Variants in RWDD1 observed in about 807,000 individuals in gnomAD.
RWDD1 encodes the protein RWD domain-containing protein 1.
A neutral mutation model predicts 31.6 loss-of-function variants in RWDD1; 17 were observed. The ratio of observed to expected loss-of-function variants is 0.54; its 90% CI spans 0.37 to 0.81. The LOEUF (loss-of-function observed/expected upper bound fraction) is 0.81. Ranked by LOEUF, RWDD1 falls within the 30% of genes least tolerant of loss-of-function variation. The pLI, the probability that RWDD1 is intolerant of heterozygous loss-of-function variation, is 0.00. For missense variants in RWDD1, 204 were observed against 274.5 expected (o/e 0.74, Z 1.82); for synonymous variants, 78 against 94.2 (o/e 0.83, Z 0.99).
At chr6:116,591,299 AT>A (rs2115337085) in intron 6 of RWDD1, among the ~76,000 whole-genome samples, 1 of 152,266 alleles carries the variant, frequency 6.6e-6, no homozygotes, top group East Asian at 1.9e-4. Flanking sequence ...TATATTTTAA[AT>A]TTTTTGGTAA....
rs185522941 is a variant in RWDD1, at chr6:116,594,160, C to T, written c.*1059C>T. ...CTAGCTTTGGTGGGAACTCCCTCAC[C>T]CCTGCTCCCCACAGGAAGGCATTAA... On this transcript the variant is annotated 3_prime_UTR_variant, in exon 7 of 7. Coordinates refer to ENST00000466444, the MANE Select transcript of RWDD1 (RefSeq NM_015952.4). 58 of 151,166 alleles carry T rather than the reference C, an allele frequency of 3.8e-4. No homozygotes were observed. Among genetic ancestry groups the T allele is most frequent in the African/African-American group, 1.4e-3 (58 of 41,100 alleles). 9.4% of individuals were successfully genotyped at this position (151,166 alleles called of 1,614,324 possible). A position where few individuals can be genotyped will look rare whatever the true frequency, so the allele number is the denominator to read the frequency against.
chr6:116,590,833 A>G, intron 5 of RWDD1, 55 bp from the exon 6 acceptor site: 1 of 1,531,896 alleles, frequency 6.5e-7, no homozygotes, highest in Non-Finnish European at 8.7e-7. Flanking sequence ...TATTGTAGTG[A>G]AAATGGAGAA....
At chr6:116,574,701 C>CCT (rs1417753573) in intron 1 of RWDD1, among the ~76,000 whole-genome samples, 19 of 150,958 alleles carry the variant, frequency 1.3e-4, no homozygotes, top group African/African-American at 4.4e-4. Flanking sequence ...CCTTCCTTTT[C>CCT]TTTCTTTCTT....
chr6:116,591,157 G>A (rs1433655623), intron 6 of RWDD1, among the ~76,000 whole-genome samples: 1 of 151,240 alleles, frequency 6.6e-6, no homozygotes, highest in South Asian at 2.1e-4. Flanking sequence ...TTTGAACCAT[G>A]AAAATCAAAC....
intron 2 of RWDD1, among the ~76,000 whole-genome samples, chr6:116,581,112 C>T (rs890619367): frequency 1.3e-5 from 2 of 152,016 alleles, no homozygotes; most frequent in African/African-American, 4.8e-5. Context: ...GGTTTGCATT[C>T]ACACATTATT....
chr6:116,574,692 C>T (rs914619527), intron 1 of RWDD1, among the ~76,000 whole-genome samples: 3 of 150,798 alleles, frequency 2.0e-5, no homozygotes, highest in Non-Finnish European at 3.0e-5. Flanking sequence ...TCCTTCCTTC[C>T]TTCCTTTTCT....
chr6:116,588,835 T>C lies in RWDD1; in HGVS notation c.271-7T>C. On this transcript the variant is annotated splice_polypyrimidine_tract_variant and splice_region_variant and intron_variant, in intron 3 of 6. Transcript: ENST00000466444. The stretch of plus-strand genomic sequence containing the variant: ...GTTATTCCTCATCACCTTTTTGTGT[T>C]ACACAGGCTGAAGAAAATCTTGGTA... 6.5e-7 allele frequency: 1 copy of C among 1,527,248 alleles called. No homozygotes were observed. The highest frequency in any genetic ancestry group is 2.4e-5 in the Admixed American group (1 of 40,924). 94.6% of individuals were successfully genotyped at this position (1,527,248 alleles called of 1,614,324 possible).
In RWDD1 at chr6:116,594,110, G is replaced by T. The variant is rs1479532192; in HGVS notation, c.*1009G>T. On this transcript the variant is annotated 3_prime_UTR_variant, in exon 7 of 7. Transcript: ENST00000466444. ...ATGGCCAGAGAGTGAGGGTGGAAGT[G>T]CCAGGCTTTTTTTTTTTTTTTAAAC... is the stretch of plus-strand genomic sequence containing the variant. 1 of 150,772 alleles carries T rather than the reference G, an allele frequency of 6.6e-6. No homozygotes were observed. The highest frequency in any genetic ancestry group is 1.5e-5 in the Non-Finnish European group (1 of 67,966). The allele number at this position is 150,772 out of a possible 1,614,324, so 9.3% of individuals were successfully genotyped here. A position where few individuals can be genotyped will look rare whatever the true frequency, so the allele number is the denominator to read the frequency against.
chr6:116,589,861 C>T (rs1775106823), intron 4 of RWDD1, among the ~76,000 whole-genome samples: 1 of 152,134 alleles, frequency 6.6e-6, no homozygotes, highest in Admixed American at 6.5e-5. Flanking sequence ...ATGGGAAAGA[C>T]AGGCCACCAT....
intron 1 of RWDD1, 71 bp downstream of exon 1, chr6:116,571,726 T>C (rs1774739903): frequency 7.0e-7 from 1 of 1,427,138 alleles, no homozygotes; most frequent in Admixed American, 2.0e-5. Flanking sequence ...GCCGCAGCTC[T>C]GGGCCTCATA....
intron 2 of RWDD1, among the ~76,000 whole-genome samples, chr6:116,584,093 C>G (rs2115330669): frequency 6.6e-6 from 1 of 152,316 alleles, no homozygotes; most frequent in African/African-American, 2.4e-5. Context: ...AACTCAATGG[C>G]CTGTGCTGCA....
rs76476506 is a variant in RWDD1 at position 116,584,004 on chromosome 6, G to T, written c.140-723G>T. On this transcript the variant is annotated intron_variant, in intron 2 of 6. Transcript: ENST00000466444. ...CAAAAGATGGCACTCTGGGAAAAAG[G>T]TCATTGTGAGTAATAAAAAGTCTTA... Among the ~76,000 whole-genome samples the T allele has an allele frequency of 5.5e-3, 844 of 152,262 alleles. 6 individuals carry two copies. Among genetic ancestry groups the T allele is most frequent in the African/African-American group, 0.02 (817 of 41,538 alleles).
At position 116,571,856 on chromosome 6, in the gene RWDD1, A is replaced by C. The variant is rs538999218; in HGVS notation, c.73+201A>C. 1.0e-3 allele frequency among the ~76,000 whole-genome samples: 157 copies of C among 151,894 alleles called. 2 individuals carry two copies. Among genetic ancestry groups the C allele is most frequent in the Admixed American group, 1.2e-3 (19 of 15,266 alleles). ...TTCTCCTTCTCTGCTTGTTCCCGGA[A>C]ATCTAAAAGTCCGGGTGATGTTGGA... On this transcript the variant is annotated intron_variant, in intron 1 of 6. Transcript: ENST00000466444.
chr6:116,582,952 CT>C (rs56123912), intron 2 of RWDD1, among the ~76,000 whole-genome samples: 52,050 of 136,968 alleles, frequency 0.38, 9,417 homozygotes, highest in Admixed American at 0.45. Flanking sequence ...TTTCCATTTT[CT>C]TTTTTTTTTT....
intron 3 of RWDD1, 30 bp downstream of exon 3, chr6:116,584,887 G>GGC: frequency 6.5e-7 from 1 of 1,530,464 alleles, no homozygotes; most frequent in Admixed American, 1.7e-5. Flanking sequence ...ATGTTTTGTA[G>GGC]CAGCATTTAT....
intron 3 of RWDD1, among the ~76,000 whole-genome samples, chr6:116,585,803 TA>T (rs1421382216): frequency 6.6e-6 from 1 of 152,154 alleles, no homozygotes; most frequent in Non-Finnish European, 1.5e-5. Flanking sequence ...TATATATTTT[TA>T]TTTTTTTTGA....
In RWDD1 at chr6:116,596,714, C is replaced by T. The variant is rs944712069; in HGVS notation, c.*3613C>T. 6.6e-6 allele frequency: 1 copy of T among 152,080 alleles called. No individual in the cohort carries two copies. The highest frequency in any genetic ancestry group is 2.4e-5 in the African/African-American group (1 of 41,390). 9.4% of individuals were successfully genotyped at this position (152,080 alleles called of 1,614,324 possible). A position where few individuals can be genotyped will look rare whatever the true frequency, so the allele number is the denominator to read the frequency against. ...TGCAGTTATTGATTTGGAATGATCACTTTAAAAGAGCCATCAAATACGCCT... is the reference window on the plus strand; with the variant it reads ...TGCAGTTATTGATTTGGAATGATCATTTTAAAAGAGCCATCAAATACGCCT... On this transcript the variant is annotated 3_prime_UTR_variant, in exon 7 of 7. Transcript: ENST00000466444.
chr6:116,583,027 G>C (rs1341577907), intron 2 of RWDD1, among the ~76,000 whole-genome samples: 2 of 150,352 alleles, frequency 1.3e-5, no homozygotes, highest in African/African-American at 4.9e-5. Flanking sequence ...GCCCAGGCTA[G>C]AGTTCCATGG....
At chr6:116,588,118 A>G (rs998471945) in intron 3 of RWDD1, among the ~76,000 whole-genome samples, 25 of 152,132 alleles carry the variant, frequency 1.6e-4, no homozygotes, top group African/African-American at 5.8e-4. Context: ...GAGAAGCCCT[A>G]GTGAATTTGA....
Sources: gnomAD v4.1 joint callset for allele counts (sites outside exome capture counted in the v4.1 genomes callset) on GRCh38, gnomAD v4.1.1 for gene constraint, MANE v1.5 for transcripts, NCBI Gene and HGNC (gene_info 2026-07-23, HGNC 2026-07-21) for gene names.